The following ASTN2 variants were observed in gnomAD, a reference collection of about 807,000 sequenced individuals.
ASTN2 encodes the protein astrotactin 2.
A neutral mutation model predicts 139.8 loss-of-function variants in ASTN2; 54 were observed. The ratio of observed to expected loss-of-function variants is 0.39; its 90% CI spans 0.31 to 0.48. The LOEUF is 0.48. Among genes scored for constraint, ASTN2 ranks in the 20% least tolerant of loss-of-function variants. The probability of loss-of-function intolerance (pLI) is 0.95; values close to 1 mark genes in which losing one functional copy is unlikely to be tolerated. For synonymous variants in ASTN2, 756 were observed against 719.5 expected (o/e 1.05, Z -0.81); for missense variants, 1,565 against 1,725.1 (o/e 0.91, Z 1.64).
intron 19 of ASTN2, among the ~76,000 whole-genome samples, chr9:116,514,780 T>C (rs1360945570): frequency 6.6e-6 from 1 of 152,226 alleles, no homozygotes; most frequent in African/African-American, 2.4e-5. Context: ...TCCATGGGCA[T>C]GGGACCCTCT....
At chr9:117,107,074 T>C (rs1457965595) in intron 4 of ASTN2, among the ~76,000 whole-genome samples, 3 of 152,214 alleles carry the variant, frequency 2.0e-5, no homozygotes, top group Non-Finnish European at 4.4e-5. Flanking sequence ...AGATTGCTTA[T>C]GGAATTAAAG....
intron 19 of ASTN2, among the ~76,000 whole-genome samples, chr9:116,592,084 C>T (rs1854401149): frequency 6.6e-6 from 1 of 152,104 alleles, no homozygotes; most frequent in African/African-American, 2.4e-5. Flanking sequence ...TATGCACATC[C>T]TCCCTTAAAT....
intron 5 of ASTN2, among the ~76,000 whole-genome samples, chr9:117,043,057 G>T (rs1838626219): frequency 6.6e-6 from 1 of 152,070 alleles, no homozygotes; most frequent in South Asian, 2.1e-4. Flanking sequence ...TTTTAGTAGA[G>T]ACAGTGTTTC....
intron 1 of ASTN2, among the ~76,000 whole-genome samples, chr9:117,308,981 T>TAATGCC (rs1827873633): frequency 1.3e-5 from 2 of 152,184 alleles, no homozygotes; most frequent in Non-Finnish European, 2.9e-5. Flanking sequence ...CTTCCATAAG[T>TAATGCC]CAGCTTTTAC....
At chr9:117,173,915 T>G (rs1478928574) in intron 3 of ASTN2, among the ~76,000 whole-genome samples, 2 of 151,658 alleles carry the variant, frequency 1.3e-5, no homozygotes, top group Non-Finnish European at 2.9e-5. Context: ...TTTTTAAACC[T>G]TTTATCACTA....
At chr9:117,099,492 C>T (rs755692296) in intron 4 of ASTN2, among the ~76,000 whole-genome samples, 1 of 152,204 alleles carries the variant, frequency 6.6e-6, no homozygotes, top group Non-Finnish European at 1.5e-5. Flanking sequence ...GCAAGATAGA[C>T]AGAGTGACAG....
intron 7 of ASTN2, among the ~76,000 whole-genome samples, chr9:116,999,564 T>C (rs112511681): frequency 0.028 from 2,199 of 79,604 alleles, 87 homozygotes; most frequent in African/African-American, 0.061. Context: ...TTTTTTTTTT[T>C]TTTTTTTTTT....
intron 19 of ASTN2, among the ~76,000 whole-genome samples, chr9:116,572,368 T>C (rs528817406): frequency 2.5e-4 from 38 of 152,178 alleles, no homozygotes; most frequent in Non-Finnish European, 4.0e-4. Flanking sequence ...GTATGGGCCA[T>C]GAACACCACT....
intron 2 of ASTN2, among the ~76,000 whole-genome samples, chr9:117,269,484 G>A (rs2133122297): frequency 6.6e-6 from 1 of 152,250 alleles, no homozygotes; most frequent in East Asian, 1.9e-4. Flanking sequence ...GAAATGGCTA[G>A]GATCCAGAAC....
In ASTN2 at chr9:117,235,757, C is replaced by CT. The variant is rs111631003; in HGVS notation, c.631-21016dup. 6.3e-4 allele frequency among the ~76,000 whole-genome samples: 94 copies of CT among 149,334 alleles called. No homozygotes were observed. The South Asian group carries it at 7.6e-3, about 12-fold the overall frequency. ...ATGAAGATAATATTTCAATGCAACT[C>CT]TTTTTTTTTTAAATACAAGTTAATG... is the stretch of plus-strand genomic sequence containing the variant. On this transcript the variant is annotated intron_variant, in intron 2 of 22. Coordinates refer to ENST00000313400, the MANE Select transcript of ASTN2 (RefSeq NM_001365068.1).
In ASTN2 at chr9:116,492,152, G is replaced by A. The variant is rs569003820; in HGVS notation, c.3356-4652C>T. On this transcript the variant is annotated intron_variant, in intron 19 of 22. Transcript: ENST00000313400. ...GCTGGAGTGCAGTGGCATGATCTCAGCTCACTGCAACTTCCACCTCCCGGG... is the reference window on the plus strand; with the variant it reads ...GCTGGAGTGCAGTGGCATGATCTCAACTCACTGCAACTTCCACCTCCCGGG... Among the ~76,000 whole-genome samples the A allele has an allele frequency of 1.4e-4, 21 of 151,216 alleles. No individual in the cohort carries two copies. The East Asian group carries it at 3.5e-3, about 25-fold the overall frequency.
At chr9:117,040,125 C>G (rs980390481) in intron 5 of ASTN2, among the ~76,000 whole-genome samples, 160 bp from the exon 6 acceptor site, 2 of 152,150 alleles carry the variant, frequency 1.3e-5, no homozygotes. Context: ...GCTATGACAC[C>G]TCAGTGGGCC....
rs565258145 is a variant in ASTN2 at position 116,804,131 on chromosome 9, G to T, written c.2396+1501C>A. On this transcript the variant is annotated intron_variant, in intron 13 of 22. Transcript: ENST00000313400. ...ATGAGAAAGAGGAGATTCTCAAAGA[G>T]TATATGATGATTACAAGGATGAACG... 5.9e-5 allele frequency among the ~76,000 whole-genome samples: 9 copies of T among 152,252 alleles called. No individual in the cohort carries two copies. In the East Asian group the frequency reaches 1.7e-3, roughly 29 times the overall value.
chr9:117,081,107 G>A (rs753254800), intron 5 of ASTN2, among the ~76,000 whole-genome samples: 6 of 152,102 alleles, frequency 3.9e-5, no homozygotes, highest in African/African-American at 9.7e-5. Context: ...AAAATCCTTC[G>A]CCAGTGAAAC....
At chr9:116,435,108 G>A (rs1847610316) in intron 22 of ASTN2, among the ~76,000 whole-genome samples, 1 of 152,136 alleles carries the variant, frequency 6.6e-6, no homozygotes, top group South Asian at 2.1e-4. Context: ...TACTAACAAT[G>A]TGTCTGTTCT....
intron 16 of ASTN2, among the ~76,000 whole-genome samples, chr9:116,718,817 G>T (rs1828386821): frequency 6.6e-6 from 1 of 151,610 alleles, no homozygotes; most frequent in Non-Finnish European, 1.5e-5. Flanking sequence ...TCAGGGCTTT[G>T]GATTCACACT....
intron 13 of ASTN2, among the ~76,000 whole-genome samples, chr9:116,738,979 G>A (rs1443635582): frequency 1.3e-5 from 2 of 151,362 alleles, no homozygotes; most frequent in Non-Finnish European, 2.9e-5. Flanking sequence ...ACAAACAGTG[G>A]CTCTGCTGCT....
chr9:116,433,854 C>T (rs1374641379), intron 22 of ASTN2, among the ~76,000 whole-genome samples: 2 of 152,154 alleles, frequency 1.3e-5, no homozygotes, highest in Admixed American at 6.5e-5. Flanking sequence ...TGAAAATGTT[C>T]GCATTTGCTT....
At chr9:116,942,085 C>T (rs998750737) in intron 10 of ASTN2, among the ~76,000 whole-genome samples, 183 of 136,210 alleles carry the variant, frequency 1.3e-3, no homozygotes, top group African/African-American at 5.1e-3. Context: ...CACGTACGCA[C>T]GCACGCACAC....
Sources: allele counts gnomAD v4.1 joint callset (sites outside exome capture counted in the v4.1 genomes callset), GRCh38; gene constraint gnomAD v4.1.1; transcripts MANE v1.5; gene names NCBI Gene and HGNC (gene_info 2026-07-23, HGNC 2026-07-21).